The following ADAMTSL1 variants were observed in gnomAD, a reference collection of about 807,000 sequenced individuals.
ADAMTSL1 encodes ADAMTS like 1, also known as ADAMTS-like protein 1.
In ADAMTSL1, 126 loss-of-function variants were observed where a neutral mutation model predicts 201.8. The ratio of observed to expected loss-of-function variants is 0.62; its 90% CI spans 0.54 to 0.72. The LOEUF (loss-of-function observed/expected upper bound fraction) is 0.72, where lower values mean the gene tolerates loss of function less well. ADAMTSL1 is among the 30% of genes least tolerant of loss of function. The pLI, the probability that ADAMTSL1 is intolerant of heterozygous loss-of-function variation, is 0.00. For missense variants in ADAMTSL1, 2,679 were observed against 2,277.8 expected (o/e 1.18, Z -3.59); for synonymous variants, 1,121 against 903.4 (o/e 1.24, Z -4.32).
Position 18,216,819 on chromosome 9 carries a change from T to C in ADAMTSL1, c.207+52838T>C, listed in dbSNP as rs1333312199. The stretch of plus-strand genomic sequence containing the variant: ...ATTTCAACTTTTTATTCAGATTCCA[T>C]GTTAATAGTATTGCATGGTAGTTGA... On this transcript the variant is annotated intron_variant, in intron 2 of 29. Coordinates refer to the ADAMTSL1 transcript ENST00000680146. 2.0e-5 allele frequency among the ~76,000 whole-genome samples: 3 copies of C among 152,162 alleles called. No individual in the cohort carries two copies. In the East Asian group the frequency reaches 5.8e-4, roughly 29 times the overall value.
chr9:18,097,161 G>T (rs948416014), intron 1 of ADAMTSL1, among the ~76,000 whole-genome samples: 2 of 152,150 alleles, frequency 1.3e-5, no homozygotes, highest in Admixed American at 1.3e-4. Flanking sequence ...CTCTTCTAGA[G>T]TTTCATATGC....
chr9:18,060,885 G>C (rs1257920111), intron 1 of ADAMTSL1, among the ~76,000 whole-genome samples: 1 of 152,102 alleles, frequency 6.6e-6, no homozygotes. Flanking sequence ...GAAAATCTCA[G>C]TAATGGCAAA....
intron 2 of ADAMTSL1, among the ~76,000 whole-genome samples, chr9:18,215,630 G>A (rs892932558): frequency 6.6e-6 from 1 of 152,172 alleles, no homozygotes; most frequent in Non-Finnish European, 1.5e-5. Flanking sequence ...AAGATGGGAA[G>A]GTAGACTATT....
In ADAMTSL1 at chr9:18,662,036, A is replaced by G; in HGVS notation, c.1048A>G (p.Lys350Glu). ...CCCAGAGAACATCAAACCCAAACCC[A>G]AGCTTCAGGAGTGCAACTTGGATCC... ...YYPENIKPKP[K>E]LQECNLDPCP... Residue 350 changes from lysine (K) to glutamate (E), a missense_variant, in exon 9 of 29, where the codon AAG (lysine) becomes GAG (glutamate). Transcript: ENST00000380548. 6.2e-7 allele frequency: 1 copy of G among 1,614,034 alleles called. No individual in the cohort carries two copies. The highest frequency in any genetic ancestry group is 8.5e-7 in the Non-Finnish European group (1 of 1,179,918).
At chr9:18,153,287 T>C (rs1254836640) in intron 1 of ADAMTSL1, among the ~76,000 whole-genome samples, 1 of 152,060 alleles carries the variant, frequency 6.6e-6, no homozygotes. Context: ...TAATCTATAC[T>C]CTGACCCTTA....
chr9:18,724,490 C>G (rs1817748127), intron 15 of ADAMTSL1, among the ~76,000 whole-genome samples: 1 of 152,202 alleles, frequency 6.6e-6, no homozygotes, highest in South Asian at 2.1e-4. Flanking sequence ...TCTTCTCAAG[C>G]TGGAGGTATT....
intron 1 of ADAMTSL1, among the ~76,000 whole-genome samples, chr9:18,152,824 C>T (rs893059769): frequency 1.3e-5 from 2 of 152,002 alleles, no homozygotes; most frequent in Admixed American, 6.6e-5. Flanking sequence ...AGTAAATCGA[C>T]ACTGTCTTAG....
chr9:18,482,415 T>C (rs1821774649), intron 1 of ADAMTSL1, among the ~76,000 whole-genome samples: 1 of 152,244 alleles, frequency 6.6e-6, no homozygotes, highest in Non-Finnish European at 1.5e-5. Context: ...CAGATTTTTT[T>C]CCAAAGCTTC....
chr9:18,219,705 A>C (rs1299610802), intron 2 of ADAMTSL1, among the ~76,000 whole-genome samples: 1 of 152,176 alleles, frequency 6.6e-6, no homozygotes, highest in Non-Finnish European at 1.5e-5. Context: ...TAAAGTTTCA[A>C]ATTTTTTCCC....
At chr9:18,664,226 A>C (rs1829290192) in intron 9 of ADAMTSL1, among the ~76,000 whole-genome samples, 1 of 152,054 alleles carries the variant, frequency 6.6e-6, no homozygotes, top group Admixed American at 6.6e-5. Context: ...ATTGCCATGA[A>C]ATTCATTGAA....
At chr9:18,049,596 C>T (rs1821830262) in intron 1 of ADAMTSL1, among the ~76,000 whole-genome samples, 1 of 151,168 alleles carries the variant, frequency 6.6e-6, no homozygotes, top group Non-Finnish European at 1.5e-5. Flanking sequence ...AACTCTGAGG[C>T]TTCCTGTCTT....
intron 1 of ADAMTSL1, among the ~76,000 whole-genome samples, chr9:18,501,578 G>A (rs1822849662): frequency 6.7e-6 from 1 of 150,130 alleles, no homozygotes; most frequent in South Asian, 2.1e-4. Context: ...CACAAAATTT[G>A]TTTATAGTGA....
rs1164106939 is a variant in ADAMTSL1, at chr9:18,909,789, G to C, written c.*1241G>C. 6.6e-6 allele frequency: 1 copy of C among 152,270 alleles called. No individual in the cohort carries two copies. Among genetic ancestry groups the C allele is most frequent in the Non-Finnish European group, 1.5e-5 (1 of 68,166 alleles). The allele number at this position is 152,270 out of a possible 1,614,324, so 9.4% of individuals were successfully genotyped here. On this transcript the variant is annotated 3_prime_UTR_variant, in exon 29 of 29. Coordinates refer to ENST00000380548, the MANE Select transcript of ADAMTSL1 (RefSeq NM_001040272.6). ...CCCAGCCTCCACCCCAGGGTCTGCA[G>C]GTCCTCCGGCATGTAGTATTTATCT...
chr9:18,544,785 A>T (rs1025973932), intron 3 of ADAMTSL1, among the ~76,000 whole-genome samples: 3 of 152,220 alleles, frequency 2.0e-5, no homozygotes, highest in African/African-American at 7.2e-5. Context: ...TGCCATGATC[A>T]GTTGTTATAT....
At chr9:18,021,278 C>T (rs190715878) in intron 1 of ADAMTSL1, among the ~76,000 whole-genome samples, 68 of 152,218 alleles carry the variant, frequency 4.5e-4, no homozygotes, top group Admixed American at 1.0e-3. Context: ...TTTATGTTAA[C>T]ACTTCATATT....
At chr9:18,801,767 A>G (rs931947910) in intron 20 of ADAMTSL1, among the ~76,000 whole-genome samples, 1 of 152,126 alleles carries the variant, frequency 6.6e-6, no homozygotes, top group Non-Finnish European at 1.5e-5. Flanking sequence ...CCAGTCTGTC[A>G]TTGATTGGCA....
At chr9:18,476,195 T>C (rs1190481910) in intron 1 of ADAMTSL1, among the ~76,000 whole-genome samples, 1 of 152,174 alleles carries the variant, frequency 6.6e-6, no homozygotes, top group Non-Finnish European at 1.5e-5. Flanking sequence ...GCATTAGTAA[T>C]AGCTGTCATG....
At chr9:18,052,203 C>T (rs571140391) in intron 1 of ADAMTSL1, among the ~76,000 whole-genome samples, 1 of 152,204 alleles carries the variant, frequency 6.6e-6, no homozygotes, top group Non-Finnish European at 1.5e-5. Context: ...GCAGAAGTGG[C>T]CCTTGCCTGT....
In ADAMTSL1 at chr9:17,913,370, A is replaced by C. The variant is rs549648192; in HGVS notation, c.87+6448A>C. ...ATTTGTTTGTATCCTCTTTTATTTCATTGAACAGTGGTTTGTAGTTCTCCT... is the reference window on the plus strand; with the variant it reads ...ATTTGTTTGTATCCTCTTTTATTTCCTTGAACAGTGGTTTGTAGTTCTCCT... On this transcript the variant is annotated intron_variant, in intron 1 of 29. Transcript: ENST00000680146. Among the ~76,000 whole-genome samples the C allele has an allele frequency of 8.5e-5, 13 of 152,166 alleles. No homozygotes were observed. The South Asian group carries it at 1.9e-3, about 22-fold the overall frequency.
Sources: gnomAD v4.1 joint callset for allele counts (sites outside exome capture counted in the v4.1 genomes callset) on GRCh38, gnomAD v4.1.1 for gene constraint, MANE v1.5 for transcripts, NCBI Gene and HGNC (gene_info 2026-07-23, HGNC 2026-07-21) for gene names.